Variants in CCDC82 observed in about 807,000 individuals in gnomAD.
CCDC82 encodes coiled-coil domain containing 82.
A neutral mutation model predicts 60.6 loss-of-function variants in CCDC82; 47 were observed. The observed-to-expected ratio is 0.77, with a 90% CI of 0.61 to 0.99. The LOEUF (loss-of-function observed/expected upper bound fraction) is 0.99. Among genes scored for constraint, CCDC82 ranks in the 50% least tolerant of loss-of-function variants. The pLI, the probability that CCDC82 is intolerant of heterozygous loss-of-function variation, is 0.00. For missense variants in CCDC82, 588 were observed against 633.0 expected (o/e 0.93, Z 0.76); for synonymous variants, 212 against 207.4 (o/e 1.02, Z -0.19).
In CCDC82 at chr11:96,371,190, A is replaced by T. The variant is rs548884419; in HGVS notation, c.1085-53T>A. ...ATCATTTTGTTAATTAGAAATATTTAAACTATTTAATACTTAAAAATTTCT... is the reference window on the plus strand; with the variant it reads ...ATCATTTTGTTAATTAGAAATATTTTAACTATTTAATACTTAAAAATTTCT... On this transcript the variant is annotated intron_variant, in intron 6 of 9. Transcript: ENST00000646818. 3.1e-6 allele frequency: 4 copies of T among 1,295,566 alleles called. No individual in the cohort carries two copies. The East Asian group carries it at 8.5e-5, about 28-fold the overall frequency. The allele number at this position is 1,295,566 out of a possible 1,614,324, so 80.3% of individuals were successfully genotyped here. A position where few individuals can be genotyped will look rare whatever the true frequency, so the allele number is the denominator to read the frequency against.
chr11:96,364,988 C>G lies in CCDC82; in HGVS notation c.1372G>C (p.Asp458His), dbSNP rs1864866445. The G allele has an allele frequency of 6.3e-7, 1 of 1,597,814 alleles. No individual in the cohort carries two copies. The change falls in exon 8 of 10, where the codon GAT (aspartate) becomes CAT (histidine). Residue 458 changes from aspartate (D) to histidine (H), a missense_variant. Physicochemically the swap from Asp to His is moderately conservative, Grantham distance 81. Coordinates refer to ENST00000646818, the MANE Select transcript of CCDC82 (RefSeq NM_024725.4). ...TMQIDNFMSH[D>H]KQVFTVGRIC... is the part of the protein sequence containing the mutation. The stretch of plus-strand genomic sequence containing the variant: ...TAGAGGGAAGAAAATACCTGTTTAT[C>G]ATGTGACATGAAATTATCTATTTGC...
At position 96,359,100 on chromosome 11, in the gene CCDC82, G is replaced by C. The variant is rs767858209; in HGVS notation, c.1459C>G (p.Gln487Glu). ...GTCATTGCAATGGTGCAACATTCCT[G>C]GTATAGTTTGAATTTAAAATGTTTC... ...KLKHFKFKLY[Q>E]ECCTIAMTEE... Residue 487 changes from glutamine to glutamate, a missense_variant, in exon 9 of 10, where the codon CAG becomes GAG. Coordinates refer to ENST00000646818, the MANE Select transcript of CCDC82 (RefSeq NM_024725.4). The C allele has an allele frequency of 3.1e-6, 5 of 1,603,322 alleles. No homozygotes were observed. In the Admixed American group the frequency reaches 8.7e-5, roughly 28 times the overall value.
At chr11:96,366,309 C>A (rs1864944123) in intron 7 of CCDC82, among the ~76,000 whole-genome samples, 1 of 152,180 alleles carries the variant, frequency 6.6e-6, no homozygotes, top group Non-Finnish European at 1.5e-5. Flanking sequence ...TATTCTTTAT[C>A]TTTTGAAGCA....
At chr11:96,360,310 A>C in intron 8 of CCDC82, among the ~76,000 whole-genome samples, 1 of 150,468 alleles carries the variant, frequency 6.6e-6, no homozygotes, top group South Asian at 2.1e-4. Context: ...TCCCTGCCTC[A>C]GCCTCCCAAG....
At chr11:96,371,247 GA>G (rs772157451) in intron 6 of CCDC82, 110 bp from the exon 7 acceptor site, 23 of 683,116 alleles carry the variant, frequency 3.4e-5, no homozygotes, top group Admixed American at 1.2e-4. Context: ...TTTAAATTAG[GA>G]AAAAAAATAT....
At chr11:96,362,386 G>A (rs564388321) in intron 8 of CCDC82, among the ~76,000 whole-genome samples, 6 of 152,244 alleles carry the variant, frequency 3.9e-5, no homozygotes, top group Admixed American at 3.9e-4. Flanking sequence ...GAAACAGATA[G>A]TACAATACCA....
chr11:96,384,343 A>T lies in CCDC82; in HGVS notation c.405T>A (p.Asn135Lys), dbSNP rs778264160. Reference sequence around the variant, plus strand: ...TTTGTCCAGTTTGTTTGTTGAGATCATTATCCTCTTGACTTAAATGTTTTT... The same window carrying T: ...TTTGTCCAGTTTGTTTGTTGAGATCTTTATCCTCTTGACTTAAATGTTTTT... ...DQEKHLSQED[N>K]DLNKQTGQII... is the part of the protein sequence containing the mutation. The change falls in exon 4 of 10, where the codon AAT becomes AAA. Residue 135 changes from asparagine (N) to lysine (K), a missense_variant. By Grantham distance (94) the Asn-to-Lys change is moderately conservative. Coordinates refer to ENST00000646818, the MANE Select transcript of CCDC82 (RefSeq NM_024725.4). 1 of 1,613,554 alleles carries T rather than the reference A, an allele frequency of 6.2e-7. No individual in the cohort carries two copies. The highest frequency in any genetic ancestry group is 1.1e-5 in the South Asian group (1 of 91,054).
intron 9 of CCDC82, chr11:96,357,345 T>C (rs898652893): frequency 1.0e-6 from 1 of 985,230 alleles, no homozygotes; most frequent in Non-Finnish European, 1.2e-6. Context: ...GTGTATACTG[T>C]CCTAGACATG....
rs1665955038 is a variant in CCDC82, at chr11:96,353,498, C to T, written c.*148G>A. 4 of 636,682 alleles carry T rather than the reference C, an allele frequency of 6.3e-6. No individual in the cohort carries two copies. Among genetic ancestry groups the T allele is most frequent in the African/African-American group, 1.8e-5 (1 of 54,124 alleles). The allele number at this position is 636,682 out of a possible 1,614,324, so 39.4% of individuals were successfully genotyped here. A position where few individuals can be genotyped will look rare whatever the true frequency, so the allele number is the denominator to read the frequency against. On this transcript the variant is annotated 3_prime_UTR_variant, in exon 10 of 10. Coordinates refer to ENST00000646818, the MANE Select transcript of CCDC82 (RefSeq NM_024725.4). ...AATTAGAGTGTAGAGTGCCACTTCA[C>T]AGGAATTAAGATAATCATGTTTTAA...
In CCDC82 at chr11:96,364,799, T is replaced by C. The variant is rs1864857790; in HGVS notation, c.1380+181A>G. On this transcript the variant is annotated intron_variant, in intron 8 of 9. Coordinates refer to ENST00000646818, the MANE Select transcript of CCDC82 (RefSeq NM_024725.4). ...GAGTCTAGTTGAAGCACAGTGTTTT[T>C]TGAATTCTCTCCTATTAGATGAACA... is the stretch of plus-strand genomic sequence containing the variant. 4.3e-5 allele frequency: 23 copies of C among 529,428 alleles called. No individual in the cohort carries two copies. The South Asian group carries it at 5.2e-4, about 12-fold the overall frequency. 32.8% of individuals were successfully genotyped at this position (529,428 alleles called of 1,614,324 possible).
Position 96,359,164 on chromosome 11 carries a change from G to A in CCDC82, c.1395C>T (p.Gly465=). The stretch of plus-strand genomic sequence containing the variant: ...TTCTGGTACGGCTGGCACAAATTCT[G>A]CCAACAGTGAACACCTAAATCAAGA... ...MSHDKQVFTV[G]RICASRTRIY... is the part of the protein sequence containing the mutation. The change falls in exon 9 of 10, where the codon GGC becomes GGT. Residue 465 remains glycine (G), a synonymous_variant. Transcript: ENST00000646818. 6.3e-7 allele frequency: 1 copy of A among 1,575,386 alleles called. No homozygotes were observed. The highest frequency in any genetic ancestry group is 8.6e-7 in the Non-Finnish European group (1 of 1,168,002).
intron 9 of CCDC82, chr11:96,357,655 C>T: frequency 2.0e-6 from 2 of 984,554 alleles, no homozygotes; most frequent in Non-Finnish European, 2.4e-6. Flanking sequence ...AGTGATTTTT[C>T]TATACCTAGT....
chr11:96,377,478 A>AAAATATTTTTGTC (rs1490733468), intron 5 of CCDC82, among the ~76,000 whole-genome samples: 1 of 152,162 alleles, frequency 6.6e-6, no homozygotes, highest in Admixed American at 6.5e-5. Flanking sequence ...AAGTCAGTAG[A>AAAATATTTTTGTC]AAATATTTTT....
At chr11:96,360,632 T>C (rs1864610588) in intron 8 of CCDC82, among the ~76,000 whole-genome samples, 2 of 152,204 alleles carry the variant, frequency 1.3e-5, no homozygotes, top group Admixed American at 6.5e-5. Context: ...ACTTAAGTAT[T>C]TGTGTCTGTA....
At chr11:96,372,856 T>C (rs1865360237) in intron 6 of CCDC82, among the ~76,000 whole-genome samples, 1 of 151,272 alleles carries the variant, frequency 6.6e-6, no homozygotes, top group Non-Finnish European at 1.5e-5. Context: ...GTACTATGAG[T>C]ATTACCATAC....
At chr11:96,359,751 CTG>C (rs1301122512) in intron 8 of CCDC82, among the ~76,000 whole-genome samples, 2 of 146,228 alleles carry the variant, frequency 1.4e-5, no homozygotes, top group Non-Finnish European at 3.0e-5. Context: ...ACATGTAAAA[CTG>C]AAACAAACTC....
At chr11:96,379,336 A>C (rs1358136289) in intron 5 of CCDC82, among the ~76,000 whole-genome samples, 1 of 151,714 alleles carries the variant, frequency 6.6e-6, no homozygotes, top group Non-Finnish European at 1.5e-5. Context: ...ATAAATTATC[A>C]CTCTAGAATA....
chr11:96,377,944 T>C (rs766942611), intron 5 of CCDC82, among the ~76,000 whole-genome samples: 4 of 152,108 alleles, frequency 2.6e-5, no homozygotes, highest in African/African-American at 9.6e-5. Context: ...CATCCAAAAA[T>C]ATGGTATGAT....
chr11:96,363,013 A>T (rs1772404666), intron 8 of CCDC82: 1 of 149,834 alleles, frequency 6.7e-6, no homozygotes, highest in East Asian at 2.0e-4. Context: ...CCCAGGCTGG[A>T]GTGCAGTGGC....
Sources: allele counts gnomAD v4.1 joint callset (sites outside exome capture counted in the v4.1 genomes callset), GRCh38; gene constraint gnomAD v4.1.1; transcripts MANE v1.5; gene names NCBI Gene and HGNC (gene_info 2026-07-23, HGNC 2026-07-21).